Variants in SSH2 observed in about 807,000 individuals in gnomAD.
The protein encoded by SSH2 is slingshot protein phosphatase 2.
SSH2 carries 37 observed loss-of-function variants against 135.2 expected under a neutral mutation model. That is an observed-to-expected ratio of 0.27 (90% CI 0.21 to 0.36). The LOEUF (loss-of-function observed/expected upper bound fraction) is 0.36. Ranked by LOEUF, SSH2 falls within the 10% of genes least tolerant of loss-of-function variation. The pLI is 1.00. For synonymous variants in SSH2, 628 were observed against 646.2 expected, an observed-to-expected ratio of 0.97 and a Z score of 0.43; for missense variants, 1,408 against 1,765.3, an observed-to-expected ratio of 0.80 and a Z score of 3.63.
In SSH2 at chr17:29,628,571, G is replaced by A. The variant is rs1235868402; in HGVS notation, c.*2270C>T. The A allele has an allele frequency of 1.3e-5, 2 of 152,092 alleles. No individual in the cohort carries two copies. Among genetic ancestry groups the A allele is most frequent in the Non-Finnish European group, 2.9e-5 (2 of 68,024 alleles). The allele number at this position is 152,092 out of a possible 1,614,324, so 9.4% of individuals were successfully genotyped here. On this transcript the variant is annotated 3_prime_UTR_variant, in exon 16 of 16. Coordinates refer to ENST00000540801, the MANE Select transcript of SSH2 (RefSeq NM_001282129.2). The stretch of plus-strand genomic sequence containing the variant: ...TCCTGCCCTTCCCCATCATATTGGT[G>A]GTGGAACTGCTTCAAGAAGGCAGGG...
chr17:29,699,420 A>T (rs950775460), intron 4 of SSH2, among the ~76,000 whole-genome samples: 4 of 152,216 alleles, frequency 2.6e-5, no homozygotes, highest in African/African-American at 9.6e-5. Flanking sequence ...GGGCCTGGCC[A>T]AGGCAGCTTC....
At chr17:29,761,500 G>A (rs1302207606) in intron 3 of SSH2, 4 of 935,598 alleles carry the variant, frequency 4.3e-6, no homozygotes, top group African/African-American at 1.8e-5. Context: ...TGAGAGCGGA[G>A]AGGGTAGGCC....
intron 1 of SSH2, among the ~76,000 whole-genome samples, chr17:29,862,856 C>G (rs1196370194): frequency 6.6e-6 from 1 of 152,178 alleles, no homozygotes; most frequent in South Asian, 2.1e-4. Flanking sequence ...CAGTCCAAAT[C>G]TCACCCATCC....
At chr17:29,679,284 A>T (rs2037866788) in intron 6 of SSH2, among the ~76,000 whole-genome samples, 1 of 152,174 alleles carries the variant, frequency 6.6e-6, no homozygotes, top group Non-Finnish European at 1.5e-5. Context: ...ATCTGGCATA[A>T]CCATACTGTG....
At chr17:29,914,081 T>G (rs2066837554) in intron 1 of SSH2, among the ~76,000 whole-genome samples, 2 of 152,186 alleles carry the variant, frequency 1.3e-5, no homozygotes, top group Non-Finnish European at 2.9e-5. Flanking sequence ...AGTGAAGGGT[T>G]TAGGATTCCT....
In SSH2 at chr17:29,918,938, T is replaced by C. The variant is rs199619625; in HGVS notation, c.63+11000A>G. On this transcript the variant is annotated intron_variant, in intron 1 of 15. Transcript: ENST00000540801. ...AGCGACAGAACGAGACCGTCTCAAA[T>C]AAAAAAAAAAAAAGAATGCTGCTTT... Among the ~76,000 whole-genome samples, 32 of 138,402 alleles carry C rather than the reference T, an allele frequency of 2.3e-4. No individual in the cohort carries two copies. The South Asian group carries it at 6.9e-3, about 30-fold the overall frequency. 90.8% of individuals were successfully genotyped at this position (138,402 alleles called of 152,430 possible).
intron 1 of SSH2, among the ~76,000 whole-genome samples, chr17:29,917,635 A>G (rs910578370): frequency 2.0e-5 from 3 of 152,162 alleles, no homozygotes; most frequent in African/African-American, 7.2e-5. Context: ...AAACTAAATG[A>G]TTAAAAAATA....
At chr17:29,743,603 T>A (rs938715338) in intron 3 of SSH2, among the ~76,000 whole-genome samples, 1 of 152,162 alleles carries the variant, frequency 6.6e-6, no homozygotes, top group Middle Eastern at 3.2e-3. Context: ...CAGGGGTGAA[T>A]AAGCCCCGGC....
chr17:29,883,890 G>C (rs2066184753), intron 1 of SSH2, among the ~76,000 whole-genome samples: 1 of 152,070 alleles, frequency 6.6e-6, no homozygotes, highest in Non-Finnish European at 1.5e-5. Context: ...ATTTGACCTT[G>C]CATTCCTCCA....
intron 1 of SSH2, among the ~76,000 whole-genome samples, chr17:29,895,285 A>T (rs1356798624): frequency 2.4e-5 from 3 of 123,058 alleles, no homozygotes; most frequent in African/African-American, 6.2e-5. Flanking sequence ...AATATATTTT[A>T]TATATACATT....
In SSH2 at chr17:29,656,550, C is replaced by T. The variant is rs535163699; in HGVS notation, c.1033-943G>A. Among the ~76,000 whole-genome samples, 18 of 152,254 alleles carry T rather than the reference C, an allele frequency of 1.2e-4. No individual in the cohort carries two copies. The South Asian group carries it at 1.5e-3, about 12-fold the overall frequency. On this transcript the variant is annotated intron_variant, in intron 11 of 15. Coordinates refer to ENST00000540801, the MANE Select transcript of SSH2 (RefSeq NM_001282129.2). ...AGAACTTGTGTGTGGCAGGAGAAGACACTGAAATAGCAGCTTCTGTCAAAC... is the reference window on the plus strand; with the variant it reads ...AGAACTTGTGTGTGGCAGGAGAAGATACTGAAATAGCAGCTTCTGTCAAAC...
Position 29,684,839 on chromosome 17 carries a change from C to T in SSH2, c.358-155G>A, listed in dbSNP as rs561561411. ...ATTAAAATCTCAGCTCGTACACTAG[C>T]TATAAAAACTTTGGTAAGTTACTAA... On this transcript the variant is annotated intron_variant, in intron 5 of 15. Coordinates refer to ENST00000540801, the MANE Select transcript of SSH2 (RefSeq NM_001282129.2). Among the ~76,000 whole-genome samples the T allele has an allele frequency of 7.9e-5, 12 of 152,244 alleles. No homozygotes were observed. In the South Asian group the frequency reaches 1.9e-3, roughly 24 times the overall value.
intron 3 of SSH2, among the ~76,000 whole-genome samples, chr17:29,708,753 A>T (rs1237034271): frequency 6.6e-6 from 1 of 151,690 alleles, no homozygotes; most frequent in South Asian, 2.1e-4. Context: ...ACCTAAGTTA[A>T]ATATAACCCC....
In SSH2 at chr17:29,684,666, T is replaced by C. The variant is rs757567655; in HGVS notation, c.376A>G (p.Thr126Ala). 20 of 1,612,196 alleles carry C rather than the reference T, an allele frequency of 1.2e-5. No individual in the cohort carries two copies. The East Asian group carries it at 2.2e-4, about 18-fold the overall frequency. ...ATATAGCGTGTTCGATTCTGGTAAG[T>C]ACTTTCCAGTCTTACAGCCTGGAAT... ...NIRLAVRLESTYQNRTRYMVV... is the reference protein window; with the variant it reads ...NIRLAVRLESAYQNRTRYMVV... Residue 126 changes from threonine (T) to alanine (A), a missense_variant, in exon 6 of 16, where the codon ACT (threonine) becomes GCT (alanine). This residue lies in a region of SSH2 where 222 missense variants were observed against 355.6 expected (regional missense o/e 0.62). Coordinates refer to ENST00000540801, the MANE Select transcript of SSH2 (RefSeq NM_001282129.2).
chr17:29,661,097 C>T (rs1598743139), intron 11 of SSH2, among the ~76,000 whole-genome samples: 1 of 149,450 alleles, frequency 6.7e-6, no homozygotes, highest in Non-Finnish European at 1.5e-5. Context: ...AGCAAATACT[C>T]ATTTTCTCTA....
rs1015625689 is a variant in SSH2, at chr17:29,670,459, G to A, written c.809+1476C>T. Among the ~76,000 whole-genome samples, 6 of 152,192 alleles carry A rather than the reference G, an allele frequency of 3.9e-5. No individual in the cohort carries two copies. The East Asian group carries it at 5.8e-4, about 15-fold the overall frequency. ...AAAAGATTCCACTGCTTTTTTGACT[G>A]TTCCTTTCATACAATTTTTGGAAAG... On this transcript the variant is annotated intron_variant, in intron 9 of 15. Transcript: ENST00000540801.
chr17:29,671,439 G>T (rs1242520363), intron 9 of SSH2, among the ~76,000 whole-genome samples: 1 of 152,040 alleles, frequency 6.6e-6, no homozygotes, highest in African/African-American at 2.4e-5. Context: ...CTATGATTGT[G>T]CCACTGCACT....
chr17:29,634,386 C>T (rs537153158), intron 15 of SSH2, among the ~76,000 whole-genome samples: 136 of 152,234 alleles, frequency 8.9e-4, no homozygotes, highest in African/African-American at 3.1e-3. Context: ...TAAGACACTG[C>T]TGTATATAAG....
At chr17:29,897,760 G>A (rs544725662) in intron 1 of SSH2, among the ~76,000 whole-genome samples, 4 of 152,214 alleles carry the variant, frequency 2.6e-5, no homozygotes, top group African/African-American at 9.6e-5. Flanking sequence ...ATTGAACTCA[G>A]CTCTGCACCA....
Sources: gnomAD v4.1 joint callset for allele counts (sites outside exome capture counted in the v4.1 genomes callset) on GRCh38, gnomAD v4.1.1 for gene constraint, gnomAD v4.1.1 regional missense constraint, MANE v1.5 for transcripts, NCBI Gene and HGNC (gene_info 2026-07-23, HGNC 2026-07-21) for gene names.